SSH2: variants seen among roughly 807,000 people sequenced by gnomAD.
SSH2 encodes protein phosphatase Slingshot homolog 2.
In SSH2, 37 loss-of-function variants were observed where a neutral mutation model predicts 135.2. The observed-to-expected ratio is 0.27, with a 90% CI of 0.21 to 0.36. The LOEUF is 0.36. Among genes scored for constraint, SSH2 ranks in the 10% least tolerant of loss-of-function variants. SSH2 has a pLI of 1.00. For missense variants in SSH2, 1,408 were observed against 1,765.3 expected (o/e 0.80, Z 3.63); for synonymous variants, 628 against 646.2 (o/e 0.97, Z 0.43).
intron 14 of SSH2, among the ~76,000 whole-genome samples, chr17:29,639,906 C>T (rs989114564): frequency 1.3e-5 from 2 of 152,140 alleles, no homozygotes; most frequent in Admixed American, 1.3e-4. Flanking sequence ...CCTCACCTAT[C>T]ATGAGGATGT....
rs1411959031 is a variant in SSH2 at position 29,636,175 on chromosome 17, C to T, written c.2055G>A (p.Lys685=). 6.2e-7 allele frequency: 1 copy of T among 1,614,160 alleles called. No homozygotes were observed. The highest frequency in any genetic ancestry group is 8.5e-7 in the Non-Finnish European group (1 of 1,180,036). The stretch of plus-strand genomic sequence containing the variant: ...GGGTTTCTTGGGAGAGCTCCACAAA[C>T]TTCTCTAGGGCACTAAAAAAGTCAA... ...DRIDFFSALE[K]FVELSQETRS... Residue 685 remains lysine (K), a synonymous_variant, in exon 15 of 16, where the codon AAG becomes AAA. Transcript: ENST00000540801.
At chr17:29,888,976 GACT>G (rs1314144586) in intron 1 of SSH2, among the ~76,000 whole-genome samples, 1 of 81,736 alleles carries the variant, frequency 1.2e-5, no homozygotes, top group African/African-American at 5.1e-5. Flanking sequence ...AAGAAAAAAA[GACT>G]ACTATGTTTC....
At chr17:29,816,483 T>C (rs753999022) in intron 2 of SSH2, among the ~76,000 whole-genome samples, 1 of 152,186 alleles carries the variant, frequency 6.6e-6, no homozygotes, top group Admixed American at 6.5e-5. Flanking sequence ...GATTGTTGTA[T>C]GTAACTTTAA....
At chr17:29,790,585 A>G (rs774645352) in intron 3 of SSH2, among the ~76,000 whole-genome samples, 3 of 152,022 alleles carry the variant, frequency 2.0e-5, no homozygotes, top group Non-Finnish European at 2.9e-5. Flanking sequence ...CTTCTGTTCC[A>G]TGGGTTGCCT....
At position 29,798,588 on chromosome 17, in the gene SSH2, TTGAG is replaced by T. The variant is rs199593503; in HGVS notation, c.145-4655_145-4652del. ...TCGTTATGCATATTACATAACCTCA[TTGAG>T]TGTTTATTCTACACTAACACTGTTC... On this transcript the variant is annotated intron_variant, in intron 2 of 15. Coordinates refer to ENST00000540801, the MANE Select transcript of SSH2 (RefSeq NM_001282129.2). Among the ~76,000 whole-genome samples the T allele has an allele frequency of 1.4e-3, 219 of 152,330 alleles. 1 individual carries two copies. The highest frequency in any genetic ancestry group is 0.011 in the Admixed American group (174 of 15,298).
At chr17:29,647,447 C>T (rs893095770) in intron 14 of SSH2, among the ~76,000 whole-genome samples, 10 of 151,564 alleles carry the variant, frequency 6.6e-5, no homozygotes, top group Non-Finnish European at 1.2e-4. Context: ...TTGAGAGTCA[C>T]TGGTATCCAT....
intron 3 of SSH2, among the ~76,000 whole-genome samples, chr17:29,761,628 A>G (rs922176052): frequency 5.3e-5 from 8 of 151,982 alleles, no homozygotes; most frequent in African/African-American, 1.9e-4. Context: ...GAGTGAAGCT[A>G]CTCAAGGGTG....
intron 1 of SSH2, among the ~76,000 whole-genome samples, chr17:29,921,895 T>A (rs979744653): frequency 6.6e-6 from 1 of 152,140 alleles, no homozygotes; most frequent in African/African-American, 2.4e-5. Context: ...AATATGTAAA[T>A]GACCCAGTCC....
chr17:29,647,769 T>TG, intron 14 of SSH2: 2 of 220,672 alleles, frequency 9.1e-6, no homozygotes, highest in South Asian at 1.2e-4. Flanking sequence ...TTCAAGCGAT[T>TG]GTCCTGCCTC....
At chr17:29,743,054 CTT>C (rs2040626221) in intron 3 of SSH2, among the ~76,000 whole-genome samples, 1 of 152,144 alleles carries the variant, frequency 6.6e-6, no homozygotes, top group Non-Finnish European at 1.5e-5. Flanking sequence ...GCGTCAGCCT[CTT>C]GAGTAGCTGG....
At chr17:29,832,905 G>A (rs913278424) in intron 2 of SSH2, among the ~76,000 whole-genome samples, 2 of 152,158 alleles carry the variant, frequency 1.3e-5, no homozygotes, top group Non-Finnish European at 2.9e-5. Context: ...GGCCTCAGGT[G>A]ATCCACCTGC....
chr17:29,654,588 C>T (rs923705676), intron 12 of SSH2, among the ~76,000 whole-genome samples: 1 of 152,088 alleles, frequency 6.6e-6, no homozygotes, highest in African/African-American at 2.4e-5. Context: ...AATTTCAGAC[C>T]TTATTTTCTC....
intron 3 of SSH2, among the ~76,000 whole-genome samples, chr17:29,717,615 C>A (rs1329828132): frequency 6.6e-6 from 1 of 152,148 alleles, no homozygotes; most frequent in Non-Finnish European, 1.5e-5. Flanking sequence ...GGGAGTGCTG[C>A]TGTGTATACT....
chr17:29,734,687 C>T (rs898799267), intron 3 of SSH2, among the ~76,000 whole-genome samples: 8 of 152,170 alleles, frequency 5.3e-5, no homozygotes, highest in African/African-American at 1.9e-4. Flanking sequence ...CAATATTTTA[C>T]CCTAACATTG....
At chr17:29,891,500 A>T (rs2066349503) in intron 1 of SSH2, among the ~76,000 whole-genome samples, 1 of 152,040 alleles carries the variant, frequency 6.6e-6, no homozygotes, top group Non-Finnish European at 1.5e-5. Context: ...ACGAAAGTAC[A>T]CTCCATAGAG....
At chr17:29,818,513 G>T (rs773442911) in intron 2 of SSH2, among the ~76,000 whole-genome samples, 13 of 152,112 alleles carry the variant, frequency 8.5e-5, no homozygotes, top group Non-Finnish European at 1.9e-4. Flanking sequence ...CTCCCAAAGT[G>T]TTGGGATTAC....
At position 29,657,574 on chromosome 17, in the gene SSH2, G is replaced by GTTTTTT. The variant is rs764763821; in HGVS notation, c.1033-1973_1033-1968dup. 4.0e-3 allele frequency among the ~76,000 whole-genome samples: 321 copies of GTTTTTT among 80,060 alleles called. 45 individuals are homozygous for GTTTTTT. Among genetic ancestry groups the GTTTTTT allele is most frequent in the Admixed American group, 0.025 (136 of 5,378 alleles). The allele number at this position is 80,060 out of a possible 152,430, so 52.5% of individuals were successfully genotyped here. On this transcript the variant is annotated intron_variant, in intron 11 of 15. Coordinates refer to ENST00000540801, the MANE Select transcript of SSH2 (RefSeq NM_001282129.2). ...GTGAGCCACTGTGCCCGGCTACTTT[G>GTTTTTT]TTTTTTTTTTTTTTTTTTTTTTTTA...
chr17:29,879,308 C>T (rs4595850), intron 1 of SSH2, among the ~76,000 whole-genome samples: 63,113 of 151,072 alleles, frequency 0.42, 15,123 homozygotes, highest in East Asian at 0.69. Flanking sequence ...AATCAGTATT[C>T]AAATAGGTTT....
At chr17:29,643,859 T>A (rs2036267091) in intron 14 of SSH2, among the ~76,000 whole-genome samples, 1 of 152,190 alleles carries the variant, frequency 6.6e-6, no homozygotes, top group Non-Finnish European at 1.5e-5. Context: ...TCCTAGGCAA[T>A]GGGTGGGGAG....
Sources: gnomAD v4.1 joint callset for allele counts (sites outside exome capture counted in the v4.1 genomes callset) on GRCh38, gnomAD v4.1.1 for gene constraint, MANE v1.5 for transcripts, NCBI Gene and HGNC (gene_info 2026-07-23, HGNC 2026-07-21) for gene names.